The following CTTNBP2NL variants were observed in gnomAD, a reference collection of about 807,000 sequenced individuals.
The protein encoded by CTTNBP2NL is CTTNBP2 N-terminal like, also known as CTTNBP2 N-terminal-like protein.
Under a neutral mutation model 32.5 loss-of-function variants are expected in CTTNBP2NL, and 16 were observed. That is an observed-to-expected ratio of 0.49 (90% CI 0.33 to 0.75). The LOEUF is 0.75. Among genes scored for constraint, CTTNBP2NL ranks in the 30% least tolerant of loss-of-function variants. The probability of loss-of-function intolerance (pLI) is 0.02; values close to 1 mark genes in which losing one functional copy is unlikely to be tolerated. For synonymous variants in CTTNBP2NL, 298 were observed against 289.4 expected (o/e 1.03, Z -0.30); for missense variants, 645 against 756.0 (o/e 0.85, Z 1.72).
chr1:112,431,062 T>C lies in CTTNBP2NL; in HGVS notation c.99+14798T>C, dbSNP rs114222135. 7.0e-3 allele frequency among the ~76,000 whole-genome samples: 1,067 copies of C among 152,354 alleles called. 10 individuals carry two copies. The highest frequency in any genetic ancestry group is 0.025 in the African/African-American group (1,023 of 41,578). On this transcript the variant is annotated intron_variant, in intron 3 of 5. Transcript: ENST00000271277. Reference sequence around the variant, plus strand: ...TGGGTTCTGTGTTTTGTTTTGTTGTTGTAGTTTTAATATTTTTCAAGAAAG... The same window carrying C: ...TGGGTTCTGTGTTTTGTTTTGTTGTCGTAGTTTTAATATTTTTCAAGAAAG...
intron 1 of CTTNBP2NL, among the ~76,000 whole-genome samples, chr1:112,410,507 G>A (rs1313621989): frequency 6.6e-6 from 1 of 151,656 alleles, no homozygotes; most frequent in East Asian, 1.9e-4. Flanking sequence ...ATATTTATAT[G>A]TGTATTTTTT....
At chr1:112,444,586 A>G (rs1371618761) in intron 3 of CTTNBP2NL, among the ~76,000 whole-genome samples, 2 of 152,116 alleles carry the variant, frequency 1.3e-5, no homozygotes, top group East Asian at 1.9e-4. Flanking sequence ...AAAGACCATC[A>G]TGTTTTCTGA....
At chr1:112,436,886 A>G (rs1649752109) in intron 3 of CTTNBP2NL, among the ~76,000 whole-genome samples, 1 of 152,136 alleles carries the variant, frequency 6.6e-6, no homozygotes, top group Non-Finnish European at 1.5e-5. Context: ...GCTCCAGCTT[A>G]TAAGTGAGAA....
intron 3 of CTTNBP2NL, among the ~76,000 whole-genome samples, chr1:112,428,443 T>G (rs904830368): frequency 9.2e-5 from 14 of 152,168 alleles, no homozygotes; most frequent in Non-Finnish European, 1.5e-4. Flanking sequence ...TGATATTAAG[T>G]TAATATTATT....
intron 2 of CTTNBP2NL, 148 bp downstream of exon 2, chr1:112,412,465 T>C (rs1341000637): frequency 6.6e-6 from 1 of 152,190 alleles, no homozygotes; most frequent in African/African-American, 2.4e-5. Flanking sequence ...GAAGGAACTG[T>C]TAAATGTTAA....
chr1:112,423,546 G>GA (rs886353429), intron 3 of CTTNBP2NL, among the ~76,000 whole-genome samples: 50 of 149,402 alleles, frequency 3.3e-4, no homozygotes, highest in African/African-American at 2.5e-4. Context: ...TCTAGACCAG[G>GA]AAAAAAAAAT....
At position 112,459,514 on chromosome 1, in the gene CTTNBP2NL, A is replaced by G. The variant is rs1274168554; in HGVS notation, c.*2102A>G. ...GATGGAAATCAGTGTATAAATCACAATGGAGTATATTGGCAACTCCACAGC... is the reference window on the plus strand; with the variant it reads ...GATGGAAATCAGTGTATAAATCACAGTGGAGTATATTGGCAACTCCACAGC... On this transcript the variant is annotated 3_prime_UTR_variant, in exon 6 of 6. Coordinates refer to ENST00000271277, the MANE Select transcript of CTTNBP2NL (RefSeq NM_018704.3). The G allele has an allele frequency of 6.6e-6, 1 of 152,196 alleles. No homozygotes were observed. The highest frequency in any genetic ancestry group is 1.9e-4 in the East Asian group (1 of 5,198). The allele number at this position is 152,196 out of a possible 1,614,324, so 9.4% of individuals were successfully genotyped here.
chr1:112,421,631 A>AT (rs1313968713), intron 3 of CTTNBP2NL, among the ~76,000 whole-genome samples: 1 of 149,686 alleles, frequency 6.7e-6, no homozygotes, highest in Non-Finnish European at 1.5e-5. Context: ...AAAAAAAAAA[A>AT]GGAGAAGAAG....
intron 3 of CTTNBP2NL, among the ~76,000 whole-genome samples, chr1:112,444,262 AAAG>A (rs1419476698): frequency 2.0e-5 from 3 of 152,254 alleles, no homozygotes; most frequent in Non-Finnish European, 4.4e-5. Flanking sequence ...CAAAGAATAA[AAAG>A]AAATTGATTT....
At chr1:112,395,903 C>G (rs1648302274), upstream of CTTNBP2NL, among the ~76,000 whole-genome samples, 1 of 152,248 alleles carries the variant, frequency 6.6e-6, no homozygotes, top group Non-Finnish European at 1.5e-5. Flanking sequence ...GCACGAAGCA[C>G]TAGTCACGGT....
intron 1 of CTTNBP2NL, among the ~76,000 whole-genome samples, chr1:112,411,290 C>T (rs1648856200): frequency 6.6e-6 from 1 of 152,154 alleles, no homozygotes; most frequent in Admixed American, 6.5e-5. Flanking sequence ...GGCTTTCAGA[C>T]TTAGTGCCTT....
intron 4 of CTTNBP2NL, among the ~76,000 whole-genome samples, chr1:112,452,917 G>GTT (rs1348238953): frequency 6.6e-6 from 1 of 151,166 alleles, no homozygotes; most frequent in African/African-American, 2.4e-5. Flanking sequence ...GAGTCCAGGT[G>GTT]TTTGAGACCA....
chr1:112,436,605 A>G (rs985072369), intron 3 of CTTNBP2NL, among the ~76,000 whole-genome samples: 1 of 151,970 alleles, frequency 6.6e-6, no homozygotes, highest in South Asian at 2.1e-4. Flanking sequence ...CAGCCTGCCA[A>G]GTAGCTGGAA....
rs1264512596 is a variant in CTTNBP2NL at position 112,416,529 on chromosome 1, C to T, written c.99+265C>T. On this transcript the variant is annotated intron_variant, in intron 3 of 5. Coordinates refer to ENST00000271277, the MANE Select transcript of CTTNBP2NL (RefSeq NM_018704.3). ...TTTTTTTTTTTTTGAGACGGAGTGT[C>T]ACTCTGTCGCCAGGCTGGAGTGCAG... Among the ~76,000 whole-genome samples, 11 of 148,444 alleles carry T rather than the reference C, an allele frequency of 7.4e-5. No homozygotes were observed. The Admixed American group carries it at 7.5e-4, about 10-fold the overall frequency.
rs1280151716 is a variant in CTTNBP2NL at position 112,458,933 on chromosome 1, G to A, written c.*1521G>A. Reference sequence around the variant, plus strand: ...ACAGCTGGGAGCAGTGGGAGCTGTGGCAAACTAAAGTGCCCAAGCCGCATT... The same window carrying A: ...ACAGCTGGGAGCAGTGGGAGCTGTGACAAACTAAAGTGCCCAAGCCGCATT... On this transcript the variant is annotated 3_prime_UTR_variant, in exon 6 of 6. Transcript: ENST00000271277. 6.6e-6 allele frequency: 1 copy of A among 152,186 alleles called. No individual in the cohort carries two copies. Among genetic ancestry groups the A allele is most frequent in the Non-Finnish European group, 1.5e-5 (1 of 68,036 alleles). 9.4% of individuals were successfully genotyped at this position (152,186 alleles called of 1,614,324 possible).
chr1:112,418,990 G>A (rs1346938963), intron 3 of CTTNBP2NL, among the ~76,000 whole-genome samples: 2 of 152,038 alleles, frequency 1.3e-5, no homozygotes, highest in Non-Finnish European at 2.9e-5. Context: ...TGCATTTATT[G>A]GTATTGCTTT....
At chr1:112,429,716 G>A (rs1649505535) in intron 3 of CTTNBP2NL, among the ~76,000 whole-genome samples, 1 of 152,060 alleles carries the variant, frequency 6.6e-6, no homozygotes, top group Admixed American at 6.6e-5. Context: ...TCTTATTAGG[G>A]TTCTGGTCAA....
chr1:112,432,066 A>ATTTTTTTTTTT (rs11440212), intron 3 of CTTNBP2NL, among the ~76,000 whole-genome samples: 12 of 91,048 alleles, frequency 1.3e-4, no homozygotes, highest in South Asian at 3.8e-4. Context: ...ATATATTTTG[A>ATTTTTTTTTTT]TTTTTTTTTT....
At chr1:112,421,485 T>C (rs1356930232) in intron 3 of CTTNBP2NL, among the ~76,000 whole-genome samples, 2 of 150,944 alleles carry the variant, frequency 1.3e-5, no homozygotes, top group African/African-American at 4.9e-5. Context: ...GTATTTTTAG[T>C]AGAGATGGGG....
Sources: gnomAD v4.1 joint callset for allele counts (sites outside exome capture counted in the v4.1 genomes callset) on GRCh38, gnomAD v4.1.1 for gene constraint, MANE v1.5 for transcripts, NCBI Gene and HGNC (gene_info 2026-07-23, HGNC 2026-07-21) for gene names.